The following DENND2C variants were observed in gnomAD, a reference collection of about 807,000 sequenced individuals.
The protein encoded by DENND2C is DENN domain-containing protein 2C.
Under a neutral mutation model 112.4 loss-of-function variants are expected in DENND2C, and 72 were observed. The ratio of observed to expected loss-of-function variants is 0.64; its 90% confidence interval spans 0.53 to 0.78. The LOEUF (loss-of-function observed/expected upper bound fraction) is 0.78, where lower values mean the gene tolerates loss of function less well. Among genes scored for constraint, DENND2C ranks in the 30% least tolerant of loss-of-function variants. DENND2C has a pLI of 0.00. For missense variants in DENND2C, 992 were observed against 1,113.8 expected (o/e 0.89, Z 1.56); for synonymous variants, 329 against 381.6 (o/e 0.86, Z 1.61).
At position 114,583,319 on chromosome 1, in the gene DENND2C, C is replaced by G. The variant is rs1376218110; in HGVS notation, c.*2281G>C. The G allele has an allele frequency of 2.0e-5, 3 of 152,112 alleles. No homozygotes were observed. Among genetic ancestry groups the G allele is most frequent in the African/African-American group, 7.2e-5 (3 of 41,428 alleles). 9.4% of individuals were successfully genotyped at this position (152,112 alleles called of 1,614,324 possible). A position where few individuals can be genotyped will look rare whatever the true frequency, so the allele number is the denominator to read the frequency against. ...AATGGGTTGTAATGACAATACTGTA[C>G]AAGTCAATAAACTGTATCACAATAC... On this transcript the variant is annotated 3_prime_UTR_variant, in exon 21 of 21. Transcript: ENST00000393274.
At chr1:114,656,696 T>C (rs1301113766) in intron 1 of DENND2C, among the ~76,000 whole-genome samples, 4 of 148,124 alleles carry the variant, frequency 2.7e-5, no homozygotes, top group African/African-American at 7.5e-5. Context: ...GCACCCGGCC[T>C]AAACATTCTT....
At chr1:114,669,730 C>T (rs780265165) in intron 1 of DENND2C, among the ~76,000 whole-genome samples, 3 of 152,058 alleles carry the variant, frequency 2.0e-5, no homozygotes, top group Admixed American at 1.3e-4. Context: ...AGCCAGGCTC[C>T]GCCACAACCC....
rs1361257744 is a variant in DENND2C, at chr1:114,618,421, T to G, written c.1289A>C (p.His430Pro). The change falls in exon 8 of 21, where the codon CAT becomes CCT. Residue 430 changes from histidine to proline, a missense_variant. By Grantham distance (77) the His-to-Pro change is moderately conservative. This residue lies in a region of DENND2C where 516 missense variants were observed against 623.6 expected (regional missense o/e 0.83). Coordinates refer to ENST00000393274, the MANE Select transcript of DENND2C (RefSeq NM_001256404.2). Reference protein sequence around the residue: ...SKRGKKKVKLHSYTGKELPPT... With the variant: ...SKRGKKKVKLPSYTGKELPPT... Reference sequence around the variant, plus strand: ...AGGTAATTCCTTTCCAGTGTAAGAATGTAACTTTACCTTCTTCTTCCCTCT... The same window carrying G: ...AGGTAATTCCTTTCCAGTGTAAGAAGGTAACTTTACCTTCTTCTTCCCTCT... The G allele has an allele frequency of 6.3e-7, 1 of 1,596,656 alleles. No individual in the cohort carries two copies. The highest frequency in any genetic ancestry group is 8.5e-7 in the Non-Finnish European group (1 of 1,173,864).
At chr1:114,610,899 T>C (rs1274330549) in intron 9 of DENND2C, among the ~76,000 whole-genome samples, 174 bp downstream of exon 9, 2 of 152,120 alleles carry the variant, frequency 1.3e-5, no homozygotes, top group Admixed American at 1.3e-4. Flanking sequence ...CATCTGACAG[T>C]GTTTAATTCT....
chr1:114,647,618 G>C (rs1657029934), intron 2 of DENND2C, among the ~76,000 whole-genome samples: 1 of 152,096 alleles, frequency 6.6e-6, no homozygotes, highest in African/African-American at 2.4e-5. Context: ...ACGGGGTTTT[G>C]CCATGTTGGC....
At chr1:114,622,117 CTTGTTTGT>C in intron 6 of DENND2C, 52 bp from the exon 7 acceptor site, 8 of 1,472,120 alleles carry the variant, frequency 5.4e-6, no homozygotes, top group Non-Finnish European at 7.2e-6. Flanking sequence ...GCTGTTGTTG[CTTGTTTGT>C]TTGTTTGAGA....
intron 18 of DENND2C, among the ~76,000 whole-genome samples, chr1:114,594,089 T>C (rs1485962603): frequency 2.6e-5 from 4 of 152,170 alleles, no homozygotes; most frequent in African/African-American, 9.7e-5. Context: ...GAATATGAGA[T>C]AGTGCTAAGA....
chr1:114,656,704 C>T (rs1379120055), intron 1 of DENND2C, among the ~76,000 whole-genome samples: 2 of 150,054 alleles, frequency 1.3e-5, no homozygotes, highest in African/African-American at 4.9e-5. Context: ...CCTAAACATT[C>T]TTATATGTAT....
chr1:114,585,336 G>C lies in DENND2C; in HGVS notation c.*264C>G, dbSNP rs1018742410. 9.8e-6 allele frequency: 4 copies of C among 409,250 alleles called. No homozygotes were observed. In the Admixed American group the frequency reaches 1.2e-4, roughly 12 times the overall value. The allele number at this position is 409,250 out of a possible 1,614,324, so 25.4% of individuals were successfully genotyped here. A position where few individuals can be genotyped will look rare whatever the true frequency, so the allele number is the denominator to read the frequency against. ...ACAGACAAAGCACAAAACAGAGAAT[G>C]AGCCCAAGAATCACATAGAAAAGGC... is the stretch of plus-strand genomic sequence containing the variant. On this transcript the variant is annotated 3_prime_UTR_variant, in exon 21 of 21. Transcript: ENST00000393274.
At position 114,599,316 on chromosome 1, in the gene DENND2C, C is replaced by T. The variant is rs770986312; in HGVS notation, c.2241G>A (p.Leu747=). Residue 747 remains leucine (L), a synonymous_variant, in exon 16 of 21, where the codon CTG becomes CTA. Transcript: ENST00000393274. ...CCTGGAGCTGTGGTAAGGAGCAAGACAGGATTCCAATAAGGAATGGTGTAG... is the reference window on the plus strand; with the variant it reads ...CCTGGAGCTGTGGTAAGGAGCAAGATAGGATTCCAATAAGGAATGGTGTAG... ...CSPTPFLIGI[L]SCSLPQLQDL... 3.1e-6 allele frequency: 5 copies of T among 1,613,938 alleles called. No homozygotes were observed. In the Admixed American group the frequency reaches 5.0e-5, roughly 16 times the overall value.
At chr1:114,626,629 GC>G (rs1302021453) in intron 3 of DENND2C, among the ~76,000 whole-genome samples, 1 of 149,028 alleles carries the variant, frequency 6.7e-6, no homozygotes, top group African/African-American at 2.5e-5. Context: ...TTCCCCCTCA[GC>G]CTCCTGAGTA....
At chr1:114,664,100 G>A (rs976535963) in intron 1 of DENND2C, among the ~76,000 whole-genome samples, 1 of 151,984 alleles carries the variant, frequency 6.6e-6, no homozygotes, top group Non-Finnish European at 1.5e-5. Flanking sequence ...CACCATGCCA[G>A]CTAATTTTTT....
At chr1:114,590,092 T>G (rs1327854253) in intron 18 of DENND2C, among the ~76,000 whole-genome samples, 1 of 152,228 alleles carries the variant, frequency 6.6e-6, no homozygotes. Flanking sequence ...TATATGTTTT[T>G]AAGATTCATT....
At chr1:114,624,624 CTT>C (rs67241623) in intron 4 of DENND2C, among the ~76,000 whole-genome samples, 320 of 126,926 alleles carry the variant, frequency 2.5e-3, no homozygotes, top group African/African-American at 4.3e-3. Context: ...TTCTTTTTTT[CTT>C]TTTTTTTTTT....
chr1:114,607,882 A>G (rs1655700958), intron 10 of DENND2C, among the ~76,000 whole-genome samples: 1 of 152,196 alleles, frequency 6.6e-6, no homozygotes, highest in Non-Finnish European at 1.5e-5. Context: ...AGCTTACTAT[A>G]TGCCAGACAC....
At chr1:114,657,437 T>C (rs1442700100) in intron 1 of DENND2C, among the ~76,000 whole-genome samples, 1 of 152,236 alleles carries the variant, frequency 6.6e-6, no homozygotes, top group Admixed American at 6.5e-5. Context: ...AGGTAAGTCC[T>C]CATGTATCAC....
At chr1:114,600,149 A>C in intron 15 of DENND2C, 55 bp downstream of exon 15, 1 of 1,559,320 alleles carries the variant, frequency 6.4e-7, no homozygotes, top group Non-Finnish European at 8.6e-7. Flanking sequence ...CCAATTTTAA[A>C]ATTTGGAACA....
chr1:114,601,424 G>T, intron 13 of DENND2C, 84 bp downstream of exon 13: 1 of 1,370,904 alleles, frequency 7.3e-7, no homozygotes, highest in Non-Finnish European at 1.0e-6. Flanking sequence ...GAACCTTTCT[G>T]AAGTAACATG....
intron 1 of DENND2C, among the ~76,000 whole-genome samples, chr1:114,656,875 C>T (rs566056981): frequency 6.6e-6 from 1 of 152,142 alleles, no homozygotes; most frequent in South Asian, 2.1e-4. Context: ...CCTCAGCCTC[C>T]TGAGTAGCTG....
Sources: allele counts gnomAD v4.1 joint callset (sites outside exome capture counted in the v4.1 genomes callset), GRCh38; gene constraint gnomAD v4.1.1; regional missense constraint gnomAD v4.1.1; transcripts MANE v1.5; gene names NCBI Gene and HGNC (gene_info 2026-07-23, HGNC 2026-07-21).